SGO1: variants seen among roughly 807,000 people sequenced by gnomAD.
The protein encoded by SGO1 is serologically defined breast cancer antigen NY-BR-85.
In SGO1, 39 loss-of-function variants were observed where a neutral mutation model predicts 50.5. The ratio of observed to expected loss-of-function variants is 0.77; its 90% confidence interval spans 0.60 to 1.01. The LOEUF is 1.01. SGO1 is among the 50% of genes least tolerant of loss of function. The probability of loss-of-function intolerance (pLI) is 0.00; values close to 1 mark genes in which losing one functional copy is unlikely to be tolerated. For missense variants in SGO1, 638 were observed against 606.0 expected, an observed-to-expected ratio of 1.05 and a Z score of -0.55; for synonymous variants, 191 against 205.1, an observed-to-expected ratio of 0.93 and a Z score of 0.59.
chr3:20,165,167 G>T (rs1161981027), downstream of SGO1, among the ~76,000 whole-genome samples: 4 of 152,190 alleles, frequency 2.6e-5, no homozygotes, highest in Non-Finnish European at 5.9e-5. Context: ...GAAGGCAAAG[G>T]GGAGCTGGCA....
intron 6 of SGO1, among the ~76,000 whole-genome samples, chr3:20,173,533 T>A (rs986728890): frequency 9.9e-5 from 15 of 152,230 alleles, no homozygotes; most frequent in Non-Finnish European, 1.5e-4. Context: ...TTAATCTCCT[T>A]ACAAACAAAA....
intron 6 of SGO1, among the ~76,000 whole-genome samples, chr3:20,173,621 T>C (rs1002896584): frequency 1.5e-4 from 23 of 152,342 alleles, no homozygotes; most frequent in African/African-American, 5.5e-4. Context: ...TTGAAAATGA[T>C]ACAACTTGAC....
chr3:20,176,563 T>G, intron 5 of SGO1, 38 bp downstream of exon 5: 1 of 1,249,946 alleles, frequency 8.0e-7, no homozygotes, highest in Middle Eastern at 1.9e-4. Flanking sequence ...GACCTTATTT[T>G]GCCCTTAATA....
intron 3 of SGO1, among the ~76,000 whole-genome samples, chr3:20,182,243 G>C (rs569777248): frequency 3.9e-5 from 6 of 152,104 alleles, no homozygotes; most frequent in Admixed American, 2.6e-4. Flanking sequence ...AAAAAAATAA[G>C]GAATCAAAAG....
At chr3:20,184,638 A>C (rs906234787) in intron 1 of SGO1, among the ~76,000 whole-genome samples, 1 of 152,214 alleles carries the variant, frequency 6.6e-6, no homozygotes, top group Non-Finnish European at 1.5e-5. Context: ...TTAATAGGCT[A>C]TTGTAACAAG....
In SGO1 at chr3:20,184,035, C is replaced by T. The variant is rs1323801083; in HGVS notation, c.-7-1G>A. 1.9e-6 allele frequency: 3 copies of T among 1,554,624 alleles called. No homozygotes were observed. The highest frequency in any genetic ancestry group is 2.6e-6 in the Non-Finnish European group (3 of 1,160,142). On this transcript the variant is annotated splice_acceptor_variant, in intron 1 of 7. Transcript: ENST00000412997. LOFTEE classifies it low-confidence loss of function (5UTR_SPLICE). The stretch of plus-strand genomic sequence containing the variant: ...GCATCTTTCCTTGGCCATCTTTTGC[C>T]TAAACAATAAAAAATATTTTTTCTC...
chr3:20,176,745 T>C (rs1701437846), intron 4 of SGO1, 86 bp from the exon 5 acceptor site: 1 of 860,358 alleles, frequency 1.2e-6, no homozygotes, highest in East Asian at 2.8e-5. Flanking sequence ...AATTTTTCTT[T>C]CCTTTAGTAT....
chr3:20,172,503 A>G, intron 6 of SGO1, among the ~76,000 whole-genome samples: 1 of 70,340 alleles, frequency 1.4e-5, no homozygotes. Flanking sequence ...CTCTGTTTCA[A>G]AAAAAAAAAA....
At chr3:20,161,341 A>AC in intron 8 of SGO1, 1 of 1,381,974 alleles carries the variant, frequency 7.2e-7, no homozygotes, top group Non-Finnish European at 9.5e-7. Context: ...ATAAAAAATT[A>AC]GAAAATATGT....
At chr3:20,172,792 TAAA>T (rs60411282) in intron 6 of SGO1, among the ~76,000 whole-genome samples, 1 of 98,906 alleles carries the variant, frequency 1.0e-5, no homozygotes, top group Non-Finnish European at 2.0e-5. Context: ...TCACAAAAAG[TAAA>T]AAAAAAAAAA....
At chr3:20,167,324 C>A (rs1291414933), downstream of SGO1, among the ~76,000 whole-genome samples, 1 of 152,054 alleles carries the variant, frequency 6.6e-6, no homozygotes, top group South Asian at 2.1e-4. Context: ...TAGACAAAAT[C>A]TTAAGGAAGA....
intron 6 of SGO1, 106 bp downstream of exon 6, chr3:20,174,143 C>T (rs779972751): frequency 6.6e-6 from 6 of 914,994 alleles, no homozygotes; most frequent in Non-Finnish European, 8.5e-6. Flanking sequence ...GATGGTAAGT[C>T]TCCAACCTCC....
downstream of SGO1, among the ~76,000 whole-genome samples, chr3:20,165,582 C>G (rs143170864): frequency 2.0e-5 from 3 of 152,030 alleles, no homozygotes; most frequent in Admixed American, 2.0e-4. Flanking sequence ...CCCATGAAAA[C>G]ATAGAAAGAT....
At chr3:20,185,563 G>A (rs1281460819) in intron 1 of SGO1, among the ~76,000 whole-genome samples, 2 of 152,138 alleles carry the variant, frequency 1.3e-5, no homozygotes, top group East Asian at 3.9e-4. Context: ...AATTAGTCCT[G>A]CTGCGAAGAC....
intron 8 of SGO1, chr3:20,161,345 AAT>A: frequency 7.3e-7 from 1 of 1,375,474 alleles, no homozygotes; most frequent in Non-Finnish European, 9.5e-7. Flanking sequence ...AAAATTAGAA[AAT>A]ATGTGAGCAA....
chr3:20,160,860 G>C (rs1270129357), exon 9 of SGO1: 4 of 313,760 alleles, frequency 1.3e-5, no homozygotes, highest in Non-Finnish European at 2.3e-5. Context: ...ATCTCCAAGT[G>C]ACACAACCAA....
rs1280485411 is a variant in SGO1, at chr3:20,179,712, A to G, written c.340-1365T>C. ...CCAAAGTGCTCTGATTACAGCCACG[A>G]GTCAATGTGCCTGGCCAATAAAATG... On this transcript the variant is annotated intron_variant, in intron 3 of 7. Transcript: ENST00000412997. Among the ~76,000 whole-genome samples the G allele has an allele frequency of 2.0e-5, 3 of 152,290 alleles. No homozygotes were observed. In the East Asian group the frequency reaches 5.8e-4, roughly 29 times the overall value.
chr3:20,171,581 A>G (rs1180470861), intron 6 of SGO1, among the ~76,000 whole-genome samples: 3 of 152,308 alleles, frequency 2.0e-5, no homozygotes, highest in East Asian at 3.9e-4. Context: ...AATATTAATT[A>G]TAACAGAACA....
intron 1 of SGO1, 134 bp from the exon 2 acceptor site, chr3:20,184,168 TTGA>T (rs1702358447): frequency 1.8e-6 from 1 of 568,892 alleles, no homozygotes; most frequent in African/African-American, 2.0e-5. Flanking sequence ...GTTAACCAAC[TTGA>T]TAATATAAAT....
Sources: allele counts gnomAD v4.1 joint callset (sites outside exome capture counted in the v4.1 genomes callset), GRCh38; gene constraint gnomAD v4.1.1; transcripts MANE v1.5; gene names NCBI Gene and HGNC (gene_info 2026-07-23, HGNC 2026-07-21).